The following ADGRL2 variants were observed in gnomAD, a reference collection of about 807,000 sequenced individuals.
ADGRL2 encodes calcium-independent alpha-latrotoxin receptor 2.
In ADGRL2, 44 loss-of-function variants were observed where a neutral mutation model predicts 157.4. The observed-to-expected ratio is 0.28, with a 90% confidence interval of 0.22 to 0.36. The LOEUF (loss-of-function observed/expected upper bound fraction) is 0.36, where lower values mean the gene tolerates loss of function less well. Ranked by LOEUF, ADGRL2 falls within the 10% of genes least tolerant of loss-of-function variation. ADGRL2 has a pLI of 1.00. For synonymous variants in ADGRL2, 585 were observed against 624.7 expected (o/e 0.94, Z 0.95); for missense variants, 1,510 against 1,768.9 (o/e 0.85, Z 2.63).
Position 81,502,892 on chromosome 1 carries a change from C to T in ADGRL2, c.-248+57803C>T, listed in dbSNP as rs1285151002. The T allele has an allele frequency of 3.2e-5, 52 of 1,613,536 alleles. No homozygotes were observed. In the East Asian group the frequency reaches 1.1e-3, roughly 35 times the overall value. On this transcript the variant is annotated intron_variant, in intron 2 of 24. Transcript: ENST00000370721. ...CGCTTTCCCATCCTTGGGCTTGGCTCCAGCAGTGGCACCAATACCAGTAGC... is the reference window on the plus strand; with the variant it reads ...CGCTTTCCCATCCTTGGGCTTGGCTTCAGCAGTGGCACCAATACCAGTAGC...
At position 81,701,527 on chromosome 1, in the gene ADGRL2, C is replaced by T. The variant is rs183117902; in HGVS notation, c.-143+1719C>T. Among the ~76,000 whole-genome samples, 45 of 152,218 alleles carry T rather than the reference C, an allele frequency of 3.0e-4. No individual in the cohort carries two copies. The East Asian group carries it at 5.2e-3, about 18-fold the overall frequency. ...AAGTACCTAATCCTAAAATGTCCTG[C>T]GGTGAGATTTTCCATTCTGACCACT... On this transcript the variant is annotated intron_variant, in intron 1 of 20. Coordinates refer to the ADGRL2 transcript ENST00000359929.
At chr1:81,689,120 C>T (rs2083283737) in intron 3 of ADGRL2, among the ~76,000 whole-genome samples, 1 of 152,146 alleles carries the variant, frequency 6.6e-6, no homozygotes, top group South Asian at 2.1e-4. Flanking sequence ...TTTAATGTAA[C>T]AAAGACACAG....
chr1:81,934,820 A>G (rs1301252819), intron 3 of ADGRL2, among the ~76,000 whole-genome samples: 1 of 151,986 alleles, frequency 6.6e-6, no homozygotes, highest in African/African-American at 2.4e-5. Flanking sequence ...ACAGTTGTTT[A>G]TCTTTCTTCA....
At chr1:81,899,110 T>C (rs570213848) in intron 2 of ADGRL2, among the ~76,000 whole-genome samples, 214 of 152,318 alleles carry the variant, frequency 1.4e-3, no homozygotes, top group South Asian at 4.8e-3. Context: ...AGTTGAATTC[T>C]TTATAGTACA....
At chr1:81,457,093 C>T (rs1428122226) in intron 2 of ADGRL2, among the ~76,000 whole-genome samples, 1 of 152,168 alleles carries the variant, frequency 6.6e-6, no homozygotes, top group African/African-American at 2.4e-5. Flanking sequence ...CATTTTCCAT[C>T]CTTTACAAGA....
At position 81,590,546 on chromosome 1, in the gene ADGRL2, C is replaced by T. The variant is rs147865466; in HGVS notation, c.-143+9566C>T. On this transcript the variant is annotated intron_variant, in intron 3 of 24. Transcript: ENST00000370721. The stretch of plus-strand genomic sequence containing the variant: ...ACAATGGACCCCAGTCTTTTAATCA[C>T]ATGTCCTTCTATCCCTGGTTTAAGA... 1.3e-3 allele frequency among the ~76,000 whole-genome samples: 196 copies of T among 152,212 alleles called. No homozygotes were observed. In the Middle Eastern group the frequency reaches 0.017, roughly 13 times the overall value.
intron 17 of ADGRL2, among the ~76,000 whole-genome samples, chr1:81,975,515 A>G (rs868567360): frequency 2.6e-5 from 4 of 152,082 alleles, no homozygotes; most frequent in South Asian, 4.1e-4. Flanking sequence ...CCTGCCTTCC[A>G]TTGAGAAATA....
rs1429234072 is a variant in ADGRL2, at chr1:81,967,208, A to G, written c.2349+599A>G. On this transcript the variant is annotated intron_variant, in intron 13 of 23. Transcript: ENST00000686636. Reference sequence around the variant, plus strand: ...AAAAAAGTGGATCTCCAAATAGGCAAAGAAAAATAAATTTGTGTGGTTATG... The same window carrying G: ...AAAAAAGTGGATCTCCAAATAGGCAGAGAAAAATAAATTTGTGTGGTTATG... Among the ~76,000 whole-genome samples the G allele has an allele frequency of 3.3e-5, 5 of 152,298 alleles. No individual in the cohort carries two copies. In the East Asian group the frequency reaches 9.6e-4, roughly 29 times the overall value.
At position 81,986,929 on chromosome 1, in the gene ADGRL2, CCCT is replaced by C. The variant is rs1326771441; in HGVS notation, c.3539_3541del (p.Pro1180del). ...TGACTGGCAATTACCTACTAACAAA[CCCT>C]CTTCTTCGACCCCACGGCACTAACA... On this transcript the variant is annotated inframe_deletion, in exon 22 of 24. Transcript: ENST00000686636. The C allele has an allele frequency of 6.2e-7, 1 of 1,610,786 alleles. No homozygotes were observed. The highest frequency in any genetic ancestry group is 8.5e-7 in the Non-Finnish European group (1 of 1,178,882).
intron 1 of ADGRL2, among the ~76,000 whole-genome samples, chr1:81,752,952 A>C (rs1015725312): frequency 1.3e-5 from 2 of 152,218 alleles, no homozygotes; most frequent in Non-Finnish European, 2.9e-5. Context: ...GCTATAATAC[A>C]ACTATTTTAA....
chr1:81,978,271 T>C (rs968356146), intron 17 of ADGRL2, among the ~76,000 whole-genome samples: 7 of 151,814 alleles, frequency 4.6e-5, no homozygotes, highest in Middle Eastern at 6.8e-3. Flanking sequence ...TCAATAAATA[T>C]TTGTTGAATG....
chr1:81,803,625 C>T lies in ADGRL2; in HGVS notation c.-101+2557C>T, dbSNP rs534436485. ...CAGATTCCGACCGAGGGAATGTTTT[C>T]CTCCTGTTTCTTGAAAGGTGTCAGG... On this transcript the variant is annotated intron_variant, in intron 1 of 23. Transcript: ENST00000686636. Among the ~76,000 whole-genome samples, 38 of 152,134 alleles carry T rather than the reference C, an allele frequency of 2.5e-4. No individual in the cohort carries two copies. In the South Asian group the frequency reaches 4.4e-3, roughly 17 times the overall value.
chr1:81,612,428 TGCC>T (rs2081560601), intron 3 of ADGRL2, among the ~76,000 whole-genome samples: 1 of 152,050 alleles, frequency 6.6e-6, no homozygotes, highest in South Asian at 2.1e-4. Context: ...AGATAAGAGG[TGCC>T]GACAAAAGTA....
chr1:81,863,304 C>T (rs1349501746), intron 2 of ADGRL2, among the ~76,000 whole-genome samples: 1 of 152,118 alleles, frequency 6.6e-6, no homozygotes, highest in East Asian at 1.9e-4. Context: ...TTTTGAGGCA[C>T]CCAAACCACA....
chr1:81,640,849 A>G (rs2082206182), intron 3 of ADGRL2, among the ~76,000 whole-genome samples: 1 of 152,108 alleles, frequency 6.6e-6, no homozygotes, highest in Non-Finnish European at 1.5e-5. Flanking sequence ...GCCAGTTTAA[A>G]TCTCCAATTG....
chr1:81,691,596 T>G (rs2083335413), intron 3 of ADGRL2, among the ~76,000 whole-genome samples: 2 of 152,058 alleles, frequency 1.3e-5, no homozygotes, highest in East Asian at 1.9e-4. Context: ...CTTCCTGGGT[T>G]CAAGTGATTC....
At chr1:81,822,094 G>A (rs949374693) in intron 1 of ADGRL2, among the ~76,000 whole-genome samples, 6 of 127,800 alleles carry the variant, frequency 4.7e-5, no homozygotes, top group Non-Finnish European at 7.8e-5. Flanking sequence ...TTAGTTTTTC[G>A]TATAGAGGTG....
intron 2 of ADGRL2, among the ~76,000 whole-genome samples, chr1:81,849,874 A>AATG (rs1352353802): frequency 6.6e-6 from 1 of 151,958 alleles, no homozygotes; most frequent in Non-Finnish European, 1.5e-5. Context: ...ATAAATACAT[A>AATG]CAAATAACGT....
At chr1:81,986,347 A>T (rs895376591) in intron 21 of ADGRL2, among the ~76,000 whole-genome samples, 11 of 152,064 alleles carry the variant, frequency 7.2e-5, no homozygotes, top group Non-Finnish European at 1.2e-4. Context: ...AATTCATTTT[A>T]TAGTCTTTTT....
Sources: allele counts gnomAD v4.1 joint callset (sites outside exome capture counted in the v4.1 genomes callset), GRCh38; gene constraint gnomAD v4.1.1; transcripts MANE v1.5; gene names NCBI Gene and HGNC (gene_info 2026-07-23, HGNC 2026-07-21).